The following MLXIP variants were observed in gnomAD, a reference collection of about 807,000 sequenced individuals.
The protein encoded by MLXIP is MLX interacting protein.
MLXIP carries 30 observed loss-of-function variants against 87.2 expected under a neutral mutation model. The observed-to-expected ratio is 0.34, with a 90% CI of 0.26 to 0.47. The LOEUF (loss-of-function observed/expected upper bound fraction) is 0.47. Ranked by LOEUF, MLXIP falls within the 20% of genes least tolerant of loss-of-function variation. The pLI is 1.00. For synonymous variants in MLXIP, 530 were observed against 514.0 expected (o/e 1.03, Z -0.42); for missense variants, 1,002 against 1,240.1 (o/e 0.81, Z 2.88).
At chr12:122,100,933 G>A (rs908082319) in intron 1 of MLXIP, among the ~76,000 whole-genome samples, 1 of 152,158 alleles carries the variant, frequency 6.6e-6, no homozygotes, top group African/African-American at 2.4e-5. Context: ...CCAGTTATTA[G>A]CCAGTTACAT....
intron 1 of MLXIP, among the ~76,000 whole-genome samples, chr12:122,116,599 T>C (rs1413642388): frequency 6.6e-6 from 1 of 152,170 alleles, no homozygotes; most frequent in African/African-American, 2.4e-5. Context: ...GACTCTGGCT[T>C]TAAATGGTGC....
chr12:122,141,616 G>A (rs1953205414), intron 16 of MLXIP, 75 bp from the exon 17 acceptor site: 3 of 1,571,386 alleles, frequency 1.9e-6, no homozygotes, highest in African/African-American at 1.3e-5. Context: ...CACATGGGTT[G>A]TAGGTACAAA....
Position 122,135,380 on chromosome 12 carries a change from T to A in MLXIP, c.1854+35T>A. ...GCCCTAGGCAGACCTGCAGTGTCCT[T>A]CTCACCCCGGAGCACTCTGATCTTG... On this transcript the variant is annotated intron_variant, in intron 10 of 16. Coordinates refer to ENST00000319080, the MANE Select transcript of MLXIP (RefSeq NM_014938.6). The surrounding 1 kb of genome is among the most constrained non-coding windows in gnomAD (Gnocchi z 5.3). The A allele has an allele frequency of 6.2e-7, 1 of 1,603,614 alleles. No homozygotes were observed. Among genetic ancestry groups the A allele is most frequent in the Non-Finnish European group, 8.5e-7 (1 of 1,174,148 alleles).
chr12:122,118,053 T>C (rs902979591), intron 1 of MLXIP, among the ~76,000 whole-genome samples: 1 of 152,172 alleles, frequency 6.6e-6, no homozygotes, highest in Non-Finnish European at 1.5e-5. Context: ...GTGGCCATTA[T>C]TAAGTAAAAT....
At chr12:122,112,163 C>A (rs1952614610) in intron 1 of MLXIP, among the ~76,000 whole-genome samples, 1 of 152,060 alleles carries the variant, frequency 6.6e-6, no homozygotes, top group South Asian at 2.1e-4. Context: ...TGATGCAGGG[C>A]CCAGAACAAG....
At chr12:122,119,250 T>A (rs955699126) in intron 1 of MLXIP, among the ~76,000 whole-genome samples, 3 of 152,150 alleles carry the variant, frequency 2.0e-5, no homozygotes, top group African/African-American at 7.2e-5. Context: ...CCATACCATA[T>A]ATCTTGTACC....
intron 15 of MLXIP, 165 bp downstream of exon 15, chr12:122,139,103 G>A: frequency 4.3e-6 from 3 of 694,608 alleles, no homozygotes; most frequent in Non-Finnish European, 5.3e-6. Flanking sequence ...GGTCCGGCCT[G>A]GCCTGCTGTG....
At chr12:122,141,242 C>G in intron 16 of MLXIP, 159 bp downstream of exon 16, 6 of 619,132 alleles carry the variant, frequency 9.7e-6, no homozygotes, top group Non-Finnish European at 1.2e-5. Flanking sequence ...CAGGAGCGCC[C>G]AGTGGGGGCA....
chr12:122,089,372 G>A (rs1379588400), intron 1 of MLXIP, among the ~76,000 whole-genome samples: 5 of 152,186 alleles, frequency 3.3e-5, no homozygotes, highest in Admixed American at 2.0e-4. Context: ...AAAAGGAAAC[G>A]CTTTCAATGC....
chr12:122,095,837 G>A (rs1403833271), intron 1 of MLXIP, among the ~76,000 whole-genome samples: 2 of 151,242 alleles, frequency 1.3e-5, no homozygotes, highest in Non-Finnish European at 2.9e-5. Context: ...TGCATGGTGA[G>A]TATATATATA....
At chr12:122,132,405 G>A in intron 8 of MLXIP, 22 bp downstream of exon 8, 1 of 1,581,154 alleles carries the variant, frequency 6.3e-7, no homozygotes, top group Non-Finnish European at 8.6e-7. Flanking sequence ...TGGGGGATGG[G>A]TGGGGGAAGG....
rs147012289 is a variant in MLXIP, at chr12:122,106,588, G to A, written c.414-20668G>A. Among the ~76,000 whole-genome samples the A allele has an allele frequency of 2.8e-4, 41 of 145,054 alleles. 1 individual carries two copies. Among genetic ancestry groups the A allele is most frequent in the East Asian group, 1.8e-3 (9 of 4,900 alleles). ...CTGGTGGTGAAAGCAAGATGGAATC[G>A]CAGGTTCTTTTTTTTTTTTTTTTTT... On this transcript the variant is annotated intron_variant, in intron 1 of 16. Coordinates refer to ENST00000319080, the MANE Select transcript of MLXIP (RefSeq NM_014938.6).
At chr12:122,088,233 G>A (rs1418900557) in intron 1 of MLXIP, among the ~76,000 whole-genome samples, 3 of 152,144 alleles carry the variant, frequency 2.0e-5, no homozygotes, top group African/African-American at 4.8e-5. Context: ...TGGAGCTTGC[G>A]TTCTGAGTGG....
At position 122,135,246 on chromosome 12, in the gene MLXIP, A is replaced by G; in HGVS notation, c.1755A>G (p.Gln585=). ...IAPAAFSGQP[Q]AVIMTSGPLK... is the part of the protein sequence containing the mutation. ...CAGCTGCCTTTTCAGGCCAACCACA[A>G]GCGGTGATCATGACGTCAGGGCCTC... The change falls in exon 10 of 17, where the codon CAA becomes CAG. Residue 585 remains glutamine, a synonymous_variant. Transcript: ENST00000319080. The surrounding 1 kb of genome is among the most constrained non-coding windows in gnomAD (Gnocchi z 5.3). The G allele has an allele frequency of 6.2e-7, 1 of 1,613,496 alleles. No individual in the cohort carries two copies. The highest frequency in any genetic ancestry group is 8.5e-7 in the Non-Finnish European group (1 of 1,179,826).
chr12:122,142,522 C>A lies in MLXIP; in HGVS notation c.*710C>A. ...AGAGGCCCTGCTGGGCATGTTTCAT[C>A]TGTCCCCTTTTAGCTCCACCTGACA... On this transcript the variant is annotated 3_prime_UTR_variant, in exon 17 of 17. Transcript: ENST00000319080. The A allele has an allele frequency of 2.8e-6, 1 of 354,042 alleles. No individual in the cohort carries two copies. Among genetic ancestry groups the A allele is most frequent in the Non-Finnish European group, 5.6e-6 (1 of 179,080 alleles). The allele number at this position is 354,042 out of a possible 1,614,324, so 21.9% of individuals were successfully genotyped here. A position where few individuals can be genotyped will look rare whatever the true frequency, so the allele number is the denominator to read the frequency against.
intron 1 of MLXIP, among the ~76,000 whole-genome samples, chr12:122,113,763 C>A (rs1285048822): frequency 7.1e-6 from 1 of 140,936 alleles, no homozygotes; most frequent in African/African-American, 2.7e-5. Context: ...CAGCTCAGTG[C>A]AAGCTCCGCC....
chr12:122,140,484 G>A (rs1481513076), intron 15 of MLXIP, among the ~76,000 whole-genome samples: 1 of 151,910 alleles, frequency 6.6e-6, no homozygotes, highest in East Asian at 1.9e-4. Context: ...AGTAGAGATG[G>A]GGTTTCACCA....
chr12:122,083,848 A>G (rs904968657), intron 1 of MLXIP, among the ~76,000 whole-genome samples: 2 of 152,240 alleles, frequency 1.3e-5, no homozygotes, highest in African/African-American at 4.8e-5. Flanking sequence ...ACAGTTAACC[A>G]GTTGTAAATG....
rs188944197 is a variant in MLXIP at position 122,117,141 on chromosome 12, G to A, written c.414-10115G>A. On this transcript the variant is annotated intron_variant, in intron 1 of 16. Coordinates refer to ENST00000319080, the MANE Select transcript of MLXIP (RefSeq NM_014938.6). ...AGCACCTGCAGGCACTCGAACACTC[G>A]CACACTGGAGTGTGCACCAGCCTTC... is the stretch of plus-strand genomic sequence containing the variant. Among the ~76,000 whole-genome samples, 559 of 152,304 alleles carry A rather than the reference G, an allele frequency of 3.7e-3. 3 individuals are homozygous for A. The highest frequency in any genetic ancestry group is 6.7e-3 in the Admixed American group (102 of 15,298).
Sources: allele counts gnomAD v4.1 joint callset (sites outside exome capture counted in the v4.1 genomes callset), GRCh38; gene constraint gnomAD v4.1.1; non-coding constraint Gnocchi (gnomAD v3.1); transcripts MANE v1.5; gene names NCBI Gene and HGNC (gene_info 2026-07-23, HGNC 2026-07-21).